The following MBNL3 variants were observed in gnomAD, a reference collection of about 807,000 sequenced individuals.
MBNL3 encodes the protein muscleblind like splicing regulator 3.
A neutral mutation model predicts 24.5 loss-of-function variants in MBNL3; 6 were observed. That is an observed-to-expected ratio of 0.25 (90% CI 0.13 to 0.48). The LOEUF (loss-of-function observed/expected upper bound fraction) is 0.48, where lower values mean the gene tolerates loss of function less well. MBNL3 is among the 20% of genes least tolerant of loss of function. The pLI is 0.99. For synonymous variants in MBNL3, 100 were observed against 101.7 expected (o/e 0.98, Z 0.10); for missense variants, 230 against 293.5 (o/e 0.78, Z 1.58).
rs1345560939 is a variant in MBNL3, at chrX:132,376,050, G to C, written c.*3616C>G. On this transcript the variant is annotated 3_prime_UTR_variant, in exon 9 of 9. Coordinates refer to ENST00000370853, the MANE Select transcript of MBNL3 (RefSeq NM_001386889.1). ...TCATTCAGTTTCTGCTGATGGTAGGGAGGAGGTACTTGCTTTTTCCCAAAT... is the reference window on the plus strand; with the variant it reads ...TCATTCAGTTTCTGCTGATGGTAGGCAGGAGGTACTTGCTTTTTCCCAAAT... 1 of 111,826 alleles carries C rather than the reference G, an allele frequency of 8.9e-6. No homozygotes were observed. Among genetic ancestry groups the C allele is most frequent in the Non-Finnish European group, 1.9e-5 (1 of 53,015 alleles). The allele number at this position is 111,826 out of a possible 1,213,427, so 9.2% of individuals were successfully genotyped here.
At chrX:132,391,318 T>G (rs762924099) in intron 4 of MBNL3, among the ~76,000 whole-genome samples, 11 of 112,169 alleles carry the variant, frequency 9.8e-5, no homozygotes, top group African/African-American at 3.6e-4. Context: ...GAGGTTGTCC[T>G]TACATTGAAA....
chrX:132,411,480 C>T (rs1311081998), intron 2 of MBNL3: 1 of 711,932 alleles, frequency 1.4e-6, no homozygotes, highest in Non-Finnish European at 1.7e-6. Flanking sequence ...TAGGGAACAT[C>T]TTGTGCACCT....
At chrX:132,479,161 A>G (rs773753355) in intron 1 of MBNL3, among the ~76,000 whole-genome samples, 1 of 111,708 alleles carries the variant, frequency 9.0e-6, no homozygotes, top group South Asian at 3.8e-4. Context: ...AGGCAGGAGA[A>G]TCGCTTGAAC....
At chrX:132,396,817 T>TATATATATTCATATATATTCATATATAC (rs1939464236) in intron 3 of MBNL3, among the ~76,000 whole-genome samples, 11 of 35,593 alleles carry the variant, frequency 3.1e-4, no homozygotes, top group Non-Finnish European at 4.1e-4. Context: ...CATATATACA[T>TATATATATTCATATATATTCATATATAC]ATATATATTC....
chrX:132,427,264 C>A (rs898607552), intron 2 of MBNL3, among the ~76,000 whole-genome samples: 1 of 111,825 alleles, frequency 8.9e-6, no homozygotes, highest in Non-Finnish European at 1.9e-5. Context: ...AAGTCAAATT[C>A]TTCCTACAGT....
intron 1 of MBNL3, among the ~76,000 whole-genome samples, chrX:132,443,305 C>A (rs1945485924): frequency 8.9e-6 from 1 of 111,839 alleles, no homozygotes; most frequent in Non-Finnish European, 1.9e-5. Flanking sequence ...AGCCATGACT[C>A]CAGGCAAGAT....
intron 5 of MBNL3, among the ~76,000 whole-genome samples, chrX:132,390,360 A>G (rs951375498): frequency 2.8e-5 from 3 of 108,127 alleles, no homozygotes; most frequent in Non-Finnish European, 5.7e-5. Context: ...GCTGTCCTTG[A>G]TACTATGCCT....
chrX:132,469,946 T>C (rs1014432984), intron 1 of MBNL3, among the ~76,000 whole-genome samples: 2 of 112,048 alleles, frequency 1.8e-5, no homozygotes, highest in Admixed American at 1.9e-4. Flanking sequence ...GGACATTTCA[T>C]ATAAATTGAA....
In MBNL3 at chrX:132,386,780, G is replaced by T. The variant is rs375799729; in HGVS notation, c.803C>A (p.Pro268Gln). ...ALQPGTLQLIPKRSALEKPNG... is the reference protein window; with the variant it reads ...ALQPGTLQLIQKRSALEKPNG... ...GGGCTTTTCCAGTGCTGATCTCTTT[G>T]GTATCAGTTGCAGTGTACCAGGCTG... The change falls in exon 6 of 9, where the codon CCA (proline) becomes CAA (glutamine). Residue 268 changes from proline to glutamine, a missense_variant. Physicochemically the swap from Pro to Gln is moderately conservative, Grantham distance 76. Transcript: ENST00000370853. 27 of 1,209,064 alleles carry T rather than the reference G, an allele frequency of 2.2e-5. No homozygotes were observed. The African/African-American group carries it at 4.4e-4, about 20-fold the overall frequency.
intron 2 of MBNL3, among the ~76,000 whole-genome samples, chrX:132,412,771 A>C (rs929333385): frequency 4.5e-5 from 5 of 112,091 alleles, no homozygotes; most frequent in African/African-American, 1.6e-4. Flanking sequence ...CACTGTAGAA[A>C]AATATTAACT....
chrX:132,410,532 C>A (rs1171617205), intron 2 of MBNL3, among the ~76,000 whole-genome samples: 1 of 111,611 alleles, frequency 9.0e-6, no homozygotes. Context: ...ACAATTATAA[C>A]TGGATTACTT....
chrX:132,400,839 A>G (rs1438957478), intron 3 of MBNL3, among the ~76,000 whole-genome samples: 3 of 111,923 alleles, frequency 2.7e-5, no homozygotes, highest in Middle Eastern at 4.2e-3. Context: ...GATTTGGTCA[A>G]CCTCAATGCG....
intron 2 of MBNL3, among the ~76,000 whole-genome samples, chrX:132,409,248 GT>G (rs1004995132): frequency 1.8e-5 from 2 of 111,593 alleles, no homozygotes; most frequent in Non-Finnish European, 3.8e-5. Flanking sequence ...GAACAAACTT[GT>G]TTTTTTTACA....
At chrX:132,474,949 A>T (rs1947360773) in intron 1 of MBNL3, among the ~76,000 whole-genome samples, 1 of 111,232 alleles carries the variant, frequency 9.0e-6, no homozygotes, top group South Asian at 3.8e-4. Context: ...CTCAACTTAC[A>T]TAATTCCTGT....
At chrX:132,455,532 A>G (rs1946327539) in intron 1 of MBNL3, among the ~76,000 whole-genome samples, 1 of 111,980 alleles carries the variant, frequency 8.9e-6, no homozygotes, top group Non-Finnish European at 1.9e-5. Context: ...GATTACTTCA[A>G]CCTTGAACAG....
intron 1 of MBNL3, among the ~76,000 whole-genome samples, chrX:132,470,737 T>C (rs1947136174): frequency 9.0e-6 from 1 of 111,661 alleles, no homozygotes; most frequent in Non-Finnish European, 1.9e-5. Flanking sequence ...AGTTTATAAT[T>C]CTATAATTTG....
In MBNL3 at chrX:132,386,667, G is replaced by T; in HGVS notation, c.916C>A (p.Pro306Thr). 1 of 1,210,159 alleles carries T rather than the reference G, an allele frequency of 8.3e-7. No individual in the cohort carries two copies. The highest frequency in any genetic ancestry group is 1.8e-5 in the South Asian group (1 of 56,915). The change falls in exon 6 of 9, where the codon CCT (proline) becomes ACT (threonine). Residue 306 changes from proline (P) to threonine (T), a missense_variant. Pro to Thr is a conservative substitution (Grantham distance 38). Transcript: ENST00000370853. ...CCTAGAGCTGTGTTCTCACCTGCAGGGATAAATGCCGGCTGTGGGAGCTGC... is the reference window on the plus strand; with the variant it reads ...CCTAGAGCTGTGTTCTCACCTGCAGTGATAAATGCCGGCTGTGGGAGCTGC... ...NLQLPQPAFI[P>T]AGPILCMAPA...
rs188877900 is a variant in MBNL3, at chrX:132,375,531, A to G, written c.*4135T>C. On this transcript the variant is annotated 3_prime_UTR_variant, in exon 9 of 9. Coordinates refer to ENST00000370853, the MANE Select transcript of MBNL3 (RefSeq NM_001386889.1). ...TAAGAAAAATGAAAATATGGTACCA[A>G]TTAGTGAGTTATATTTACAGTTTGA... 1 of 111,483 alleles carries G rather than the reference A, an allele frequency of 9.0e-6. No homozygotes were observed. The highest frequency in any genetic ancestry group is 2.8e-4 in the East Asian group (1 of 3,576). The allele number at this position is 111,483 out of a possible 1,213,427, so 9.2% of individuals were successfully genotyped here.
At chrX:132,398,638 A>C (rs1257182060) in intron 3 of MBNL3, among the ~76,000 whole-genome samples, 1 of 111,468 alleles carries the variant, frequency 9.0e-6, no homozygotes, top group African/African-American at 3.3e-5. Flanking sequence ...GTTTTAACAA[A>C]GGGTATAAAC....
Sources: allele counts gnomAD v4.1 joint callset (sites outside exome capture counted in the v4.1 genomes callset), GRCh38; gene constraint gnomAD v4.1.1; transcripts MANE v1.5; gene names NCBI Gene and HGNC (gene_info 2026-07-23, HGNC 2026-07-21).